The following MPHOSPH6 variants were observed in gnomAD, a reference collection of about 807,000 sequenced individuals.
The protein encoded by MPHOSPH6 is M-phase phosphoprotein 6.
MPHOSPH6 carries 25 observed loss-of-function variants against 21.8 expected under a neutral mutation model. The ratio of observed to expected loss-of-function variants is 1.15; its 90% CI spans 0.83 to 1.60. The LOEUF is 1.60. MPHOSPH6 is among the 40% of genes most tolerant of loss of function. The pLI, the probability that MPHOSPH6 is intolerant of heterozygous loss-of-function variation, is 0.00. For missense variants in MPHOSPH6, 269 were observed against 181.8 expected (o/e 1.48, Z -2.76); for synonymous variants, 84 against 56.5 (o/e 1.49, Z -2.18).
chr16:82,160,634 C>G (rs1906578162), intron 2 of MPHOSPH6, among the ~76,000 whole-genome samples: 1 of 152,196 alleles, frequency 6.6e-6, no homozygotes, highest in African/African-American at 2.4e-5. Context: ...GTTTTCTAAG[C>G]TCAGGAGATC....
intron 2 of MPHOSPH6, among the ~76,000 whole-genome samples, chr16:82,158,011 G>A (rs900117954): frequency 6.6e-6 from 1 of 152,154 alleles, no homozygotes; most frequent in African/African-American, 2.4e-5. Flanking sequence ...ATGAGTGAAA[G>A]CAGCAGTGAT....
At chr16:82,149,166 A>G in intron 4 of MPHOSPH6, 143 bp downstream of exon 4, 1 of 911,946 alleles carries the variant, frequency 1.1e-6, no homozygotes. Context: ...CCCGTAGGCC[A>G]TTAAGAGAAG....
intron 1 of MPHOSPH6, among the ~76,000 whole-genome samples, chr16:82,165,200 T>C (rs900712243): frequency 7.1e-6 from 1 of 141,066 alleles, no homozygotes; most frequent in Non-Finnish European, 1.5e-5. Context: ...CGATCTCAGC[T>C]CACTGCAACC....
At chr16:82,159,488 T>A (rs1350187280) in intron 2 of MPHOSPH6, among the ~76,000 whole-genome samples, 1 of 152,092 alleles carries the variant, frequency 6.6e-6, no homozygotes, top group Non-Finnish European at 1.5e-5. Context: ...CAATGCAACC[T>A]CCGCCTCCTG....
intron 1 of MPHOSPH6, among the ~76,000 whole-genome samples, chr16:82,167,788 C>T (rs936743157): frequency 6.6e-6 from 1 of 152,192 alleles, no homozygotes; most frequent in African/African-American, 2.4e-5. Flanking sequence ...GCTGTAAATA[C>T]AGATGAAGTT....
chr16:82,167,004 C>T (rs764138416), intron 1 of MPHOSPH6, among the ~76,000 whole-genome samples: 1 of 152,234 alleles, frequency 6.6e-6, no homozygotes, highest in East Asian at 1.9e-4. Context: ...CAGCATAATA[C>T]AGTCCTCAGG....
At chr16:82,161,493 A>G (rs1469248473) in intron 2 of MPHOSPH6, among the ~76,000 whole-genome samples, 1 of 152,248 alleles carries the variant, frequency 6.6e-6, no homozygotes, top group Non-Finnish European at 1.5e-5. Context: ...TTTCTGGACC[A>G]TATCCTTGGG....
intron 1 of MPHOSPH6, 108 bp downstream of exon 1, chr16:82,170,017 T>A: frequency 7.9e-7 from 1 of 1,262,638 alleles, no homozygotes. Flanking sequence ...CTGGAAGCCC[T>A]CTGAGGCCTC....
chr16:82,155,682 T>C (rs7191392), intron 2 of MPHOSPH6, among the ~76,000 whole-genome samples: 10,229 of 152,210 alleles, frequency 0.067, 648 homozygotes, highest in African/African-American at 0.16. Context: ...GGTGGGCAGA[T>C]CACTTGAGGT....
Position 82,148,710 on chromosome 16 carries a change from C to A in MPHOSPH6, c.*21G>T, listed in dbSNP as rs1906160588. 1 of 1,612,848 alleles carries A rather than the reference C, an allele frequency of 6.2e-7. No individual in the cohort carries two copies. The highest frequency in any genetic ancestry group is 1.3e-5 in the African/African-American group (1 of 74,902). ...CTGACTTCCACCAAGCACCCCTGGG[C>A]CATCGCTTAAGGCATCCATCTTAAT... On this transcript the variant is annotated 3_prime_UTR_variant, in exon 5 of 5. Coordinates refer to ENST00000258169, the MANE Select transcript of MPHOSPH6 (RefSeq NM_005792.2).
chr16:82,158,367 C>T (rs1037051524), intron 2 of MPHOSPH6, among the ~76,000 whole-genome samples: 1 of 150,688 alleles, frequency 6.6e-6, no homozygotes, highest in Non-Finnish European at 1.5e-5. Context: ...GGCATAGCGG[C>T]GGGTGCCTGT....
rs186331369 is a variant in MPHOSPH6 at position 82,162,606 on chromosome 16, T to C, written c.164+1476A>G. On this transcript the variant is annotated intron_variant, in intron 2 of 4. Coordinates refer to ENST00000258169, the MANE Select transcript of MPHOSPH6 (RefSeq NM_005792.2). ...CTATTCCCCACCCACCCGTTGACTC[T>C]GCAAGCTCAGGTGGTAATCACTCCC... Among the ~76,000 whole-genome samples, 4 of 152,298 alleles carry C rather than the reference T, an allele frequency of 2.6e-5. 1 individual carries two copies. Among genetic ancestry groups the C allele is most frequent in the African/African-American group, 9.6e-5 (4 of 41,568 alleles).
chr16:82,162,346 C>A (rs570280088), intron 2 of MPHOSPH6: 3 of 152,362 alleles, frequency 2.0e-5, no homozygotes, highest in South Asian at 2.1e-4. Context: ...CAACTCAATA[C>A]AACACGTATA....
rs1555540871 is a variant in MPHOSPH6 at position 82,165,144 on chromosome 16, T to TTTTTTTTTTTTTTTTTTTTTTTG, written c.52-951_52-950insCAAAAAAAAAAAAAAAAAAAAAA. 2.8e-5 allele frequency among the ~76,000 whole-genome samples: 3 copies of TTTTTTTTTTTTTTTTTTTTTTTG among 108,624 alleles called. 1 individual carries two copies. Among genetic ancestry groups the TTTTTTTTTTTTTTTTTTTTTTTG allele is most frequent in the Non-Finnish European group, 5.6e-5 (3 of 53,550 alleles). 71.3% of individuals were successfully genotyped at this position (108,624 alleles called of 152,430 possible). A position where few individuals can be genotyped will look rare whatever the true frequency, so the allele number is the denominator to read the frequency against. The stretch of plus-strand genomic sequence containing the variant: ...TTATTTTTTTTTTTATTTTTTTTTT[T>TTTTTTTTTTTTTTTTTTTTTTTG]TGAGACAGAGTCTCACTCTGTCGCC... On this transcript the variant is annotated intron_variant, in intron 1 of 4. Transcript: ENST00000258169.
intron 2 of MPHOSPH6, among the ~76,000 whole-genome samples, chr16:82,159,346 T>C (rs1167391552): frequency 6.6e-6 from 1 of 152,240 alleles, no homozygotes; most frequent in Non-Finnish European, 1.5e-5. Flanking sequence ...ATTTTTAAAA[T>C]TTCTTACATA....
intron 2 of MPHOSPH6, among the ~76,000 whole-genome samples, chr16:82,163,578 A>G (rs1427705977): frequency 6.6e-6 from 1 of 152,250 alleles, no homozygotes; most frequent in African/African-American, 2.4e-5. Flanking sequence ...ATAACTACAG[A>G]TGTAAAGTGT....
Position 82,161,265 on chromosome 16 carries a change from G to A in MPHOSPH6, c.164+2817C>T, listed in dbSNP as rs370211237. Among the ~76,000 whole-genome samples, 4 of 152,116 alleles carry A rather than the reference G, an allele frequency of 2.6e-5. No individual in the cohort carries two copies. The East Asian group carries it at 5.8e-4, about 22-fold the overall frequency. ...GAACTTCAAATGGGTGGAAGGAAAG[G>A]CTATTGTCCCTCCCCTACATCTCAG... On this transcript the variant is annotated intron_variant, in intron 2 of 4. Coordinates refer to ENST00000258169, the MANE Select transcript of MPHOSPH6 (RefSeq NM_005792.2).
chr16:82,153,821 C>A (rs1325764372), intron 2 of MPHOSPH6, among the ~76,000 whole-genome samples: 1 of 152,136 alleles, frequency 6.6e-6, no homozygotes, highest in Non-Finnish European at 1.5e-5. Flanking sequence ...CTTAGAGCAA[C>A]AGAATTTATG....
At chr16:82,169,212 T>A (rs1055841217) in intron 1 of MPHOSPH6, among the ~76,000 whole-genome samples, 1 of 152,236 alleles carries the variant, frequency 6.6e-6, no homozygotes, top group Admixed American at 6.5e-5. Flanking sequence ...TCAAATTCCC[T>A]GCACGTTGTG....
Sources: gnomAD v4.1 joint callset for allele counts (sites outside exome capture counted in the v4.1 genomes callset) on GRCh38, gnomAD v4.1.1 for gene constraint, MANE v1.5 for transcripts, NCBI Gene and HGNC (gene_info 2026-07-23, HGNC 2026-07-21) for gene names.